The following HTR6 variants were observed in gnomAD, a reference collection of about 807,000 sequenced individuals.
HTR6 encodes the protein 5-hydroxytryptamine receptor 6.
A neutral mutation model predicts 17.4 loss-of-function variants in HTR6; 15 were observed. That is an observed-to-expected ratio of 0.86 (90% confidence interval 0.58 to 1.33). HTR6 has a LOEUF of 1.33. Ranked by LOEUF, HTR6 falls within the 40% of genes most tolerant of loss-of-function variation. The probability of loss-of-function intolerance (pLI) is 0.00; values close to 1 mark genes in which losing one functional copy is unlikely to be tolerated. For synonymous variants in HTR6, 326 were observed against 295.5 expected (o/e 1.10, Z -1.06); for missense variants, 578 against 616.0 (o/e 0.94, Z 0.65).
At chr1:19,674,752 TC>T (rs2095092254) in intron 1 of HTR6, among the ~76,000 whole-genome samples, 1 of 152,242 alleles carries the variant, frequency 6.6e-6, no homozygotes, top group African/African-American at 2.4e-5. Flanking sequence ...TCCAATTTTT[TC>T]CTATCACAAG....
intron 2 of HTR6, 38 bp downstream of exon 2, chr1:19,678,763 G>C (rs772884793): frequency 1.3e-6 from 2 of 1,587,034 alleles, no homozygotes. Context: ...TCCGGCCCTT[G>C]CAGGAGAGGC....
rs1385556034 is a variant in HTR6, at chr1:19,678,725, G to A, written c.873G>A (p.Gln291=). The A allele has an allele frequency of 1.9e-6, 3 of 1,606,296 alleles. No homozygotes were observed. The highest frequency in any genetic ancestry group is 1.7e-5 in the Admixed American group (1 of 59,820). The change falls in exon 2 of 3, where the codon CAG becomes CAA. Residue 291 remains glutamine (Q), a splice_region_variant and synonymous_variant. Coordinates refer to ENST00000289753, the MANE Select transcript of HTR6 (RefSeq NM_000871.3). The part of the protein sequence containing the change: ...WLPFFVANIV[Q]AVCDCISPGL... ...CCTTCTTTGTGGCCAACATAGTCCA[G>A]GTAATGCCACGGCAGGGGGCAGGTG...
rs1008922710 is a variant in HTR6 at position 19,664,900 on chromosome 1, C to T, written c.-854C>T. Among the ~76,000 whole-genome samples, 7 of 150,266 alleles carry T rather than the reference C, an allele frequency of 4.7e-5. No homozygotes were observed. The highest frequency in any genetic ancestry group is 4.1e-4 in the South Asian group (2 of 4,826). ...GCACCCGGCCTCTCCTCCGCGCGTG[C>T]GGGCCCCTCGCGGCGCCTCCCGGGC... On this transcript the variant is annotated 5_prime_UTR_variant, in exon 1 of 3. Coordinates refer to ENST00000289753, the MANE Select transcript of HTR6 (RefSeq NM_000871.3). The surrounding 1 kb of genome is among the most constrained non-coding windows in gnomAD (Gnocchi z 4.7).
rs1300976368 is a variant in HTR6, at chr1:19,665,768, G to A, written c.15G>A (p.Pro5=). The A allele has an allele frequency of 1.3e-6, 2 of 1,489,032 alleles. No individual in the cohort carries two copies. Among genetic ancestry groups the A allele is most frequent in the Non-Finnish European group, 8.9e-7 (1 of 1,125,590 alleles). The allele number at this position is 1,489,032 out of a possible 1,614,324, so 92.2% of individuals were successfully genotyped here. A position where few individuals can be genotyped will look rare whatever the true frequency, so the allele number is the denominator to read the frequency against. The change falls in exon 1 of 3, where the codon CCG becomes CCA. Residue 5 remains proline, a synonymous_variant. Coordinates refer to ENST00000289753, the MANE Select transcript of HTR6 (RefSeq NM_000871.3). The surrounding 1 kb of genome is among the most constrained non-coding windows in gnomAD (Gnocchi z 4.2). MVPE[P]GPTANSTPAW... is the part of the protein sequence containing the mutation. ...CCTCGGTCCTCATGGTCCCAGAGCCGGGCCCAACCGCCAATAGCACCCCGG... is the reference window on the plus strand; with the variant it reads ...CCTCGGTCCTCATGGTCCCAGAGCCAGGCCCAACCGCCAATAGCACCCCGG...
chr1:19,672,764 T>C (rs952449440), intron 1 of HTR6, among the ~76,000 whole-genome samples: 9 of 152,208 alleles, frequency 5.9e-5, no homozygotes, highest in African/African-American at 1.9e-4. Context: ...AGGCAGTGAC[T>C]CACAACTGTA....
intron 1 of HTR6, among the ~76,000 whole-genome samples, chr1:19,677,490 G>A (rs74405181): frequency 0.01 from 1,544 of 152,150 alleles, 22 homozygotes; most frequent in African/African-American, 0.033. Context: ...CTGCCAGTTC[G>A]CAGTATAATT....
intron 1 of HTR6, among the ~76,000 whole-genome samples, chr1:19,669,427 G>A (rs553126391): frequency 2.0e-5 from 3 of 152,304 alleles, no homozygotes; most frequent in East Asian, 1.9e-4. Flanking sequence ...GACAGGTGGG[G>A]AAACTGAGGC....
intron 1 of HTR6, among the ~76,000 whole-genome samples, chr1:19,667,426 T>G (rs916433925): frequency 2.0e-5 from 3 of 151,858 alleles, no homozygotes; most frequent in African/African-American, 7.3e-5. Flanking sequence ...TTTGTTTTTG[T>G]TTTTTTTGAG....
At chr1:19,675,617 C>T (rs992331377) in intron 1 of HTR6, among the ~76,000 whole-genome samples, 1 of 152,066 alleles carries the variant, frequency 6.6e-6, no homozygotes, top group Non-Finnish European at 1.5e-5. Flanking sequence ...CTGAGATATT[C>T]CCCCTAGTGC....
intron 1 of HTR6, among the ~76,000 whole-genome samples, chr1:19,676,737 C>G (rs1333948599): frequency 6.6e-6 from 1 of 152,186 alleles, no homozygotes; most frequent in Non-Finnish European, 1.5e-5. Flanking sequence ...TTTCCATCTG[C>G]GGAAGGTTGC....
rs764973069 is a variant in HTR6, at chr1:19,678,608, C to T, written c.756C>T (p.Ser252=). The change falls in exon 2 of 3, where the codon AGC becomes AGT. Residue 252 remains serine (S), a synonymous_variant. Transcript: ENST00000289753. ...GCCCAGGGGTGGAGTCTGCTGACAG[C>T]AGGCGTCTAGCCACGAAGCACAGCA... ...TPRPGVESAD[S]RRLATKHSRK... is the part of the protein sequence containing the mutation. The T allele has an allele frequency of 8.7e-6, 14 of 1,613,146 alleles. No individual in the cohort carries two copies. The highest frequency in any genetic ancestry group is 1.2e-5 in the Non-Finnish European group (14 of 1,179,982).
chr1:19,666,396 G>C lies in HTR6; in HGVS notation c.643G>C (p.Ala215Pro). The C allele has an allele frequency of 6.2e-7, 1 of 1,613,696 alleles. No individual in the cohort carries two copies. Among genetic ancestry groups the C allele is most frequent in the Non-Finnish European group, 8.5e-7 (1 of 1,179,984 alleles). Reference sequence around the variant, plus strand: ...CACCTACTGCAGGATCCTGCTAGCTGCCCGCAAGCAGGCCGTGCAGGTGGC... The same window carrying C: ...CACCTACTGCAGGATCCTGCTAGCTCCCCGCAAGCAGGCCGTGCAGGTGGC... ...CFTYCRILLA[A>P]RKQAVQVASL... The change falls in exon 1 of 3, where the codon GCC becomes CCC. Residue 215 changes from alanine to proline, a missense_variant. Physicochemically the swap from Ala to Pro is conservative, Grantham distance 27. Transcript: ENST00000289753. The surrounding 1 kb of genome is among the most constrained non-coding windows in gnomAD (Gnocchi z 4.5).
rs909005450 is a variant in HTR6 at position 19,680,198 on chromosome 1, C to T, written c.*830C>T. Reference sequence around the variant, plus strand: ...CAATGTGTGCCCAGCACCCAGTACACGGTCAGTTAATTGGTACGTTCTGTT... The same window carrying T: ...CAATGTGTGCCCAGCACCCAGTACATGGTCAGTTAATTGGTACGTTCTGTT... On this transcript the variant is annotated 3_prime_UTR_variant, in exon 3 of 3. Transcript: ENST00000289753. Among the ~76,000 whole-genome samples, 3 of 152,222 alleles carry T rather than the reference C, an allele frequency of 2.0e-5. No individual in the cohort carries two copies. The highest frequency in any genetic ancestry group is 2.4e-5 in the African/African-American group (1 of 41,444).
intron 1 of HTR6, among the ~76,000 whole-genome samples, chr1:19,672,730 G>A (rs1387143985): frequency 6.6e-6 from 1 of 152,206 alleles, no homozygotes; most frequent in Non-Finnish European, 1.5e-5. Flanking sequence ...CAGGCACATA[G>A]TAAGTGCTCA....
In HTR6 at chr1:19,665,797, G is replaced by T. The variant is rs2095080697; in HGVS notation, c.44G>T (p.Trp15Leu). 2 of 1,515,040 alleles carry T rather than the reference G, an allele frequency of 1.3e-6. No homozygotes were observed. The highest frequency in any genetic ancestry group is 1.8e-6 in the Non-Finnish European group (2 of 1,140,480). 93.8% of individuals were successfully genotyped at this position (1,515,040 alleles called of 1,614,324 possible). A position where few individuals can be genotyped will look rare whatever the true frequency, so the allele number is the denominator to read the frequency against. Reference protein sequence around the residue: ...PGPTANSTPAWGAGPPSAPGG... With the variant: ...PGPTANSTPALGAGPPSAPGG... ...CCAACCGCCAATAGCACCCCGGCCTGGGGGGCAGGGCCGCCGTCGGCCCCG... is the reference window on the plus strand; with the variant it reads ...CCAACCGCCAATAGCACCCCGGCCTTGGGGGCAGGGCCGCCGTCGGCCCCG... Residue 15 changes from tryptophan (W) to leucine (L), a missense_variant, in exon 1 of 3, where the codon TGG (tryptophan) becomes TTG (leucine). Trp to Leu is a moderately conservative substitution (Grantham distance 61). Coordinates refer to ENST00000289753, the MANE Select transcript of HTR6 (RefSeq NM_000871.3). The surrounding 1 kb of genome is among the most constrained non-coding windows in gnomAD (Gnocchi z 4.2).
In HTR6 at chr1:19,678,648, G is replaced by T; in HGVS notation, c.796G>T (p.Ala266Ser). Residue 266 changes from alanine to serine, a missense_variant, in exon 2 of 3, where the codon GCC becomes TCC. Physicochemically the swap from Ala to Ser is moderately conservative, Grantham distance 99 (BLOSUM62 1). Coordinates refer to ENST00000289753, the MANE Select transcript of HTR6 (RefSeq NM_000871.3). ...ATKHSRKALKASLTLGILLGM... is the reference protein window; with the variant it reads ...ATKHSRKALKSSLTLGILLGM... ...GAAGCACAGCAGGAAGGCCCTGAAG[G>T]CCAGCCTGACGCTGGGCATCCTGCT... 6.2e-7 allele frequency: 1 copy of T among 1,613,820 alleles called. No individual in the cohort carries two copies.
In HTR6 at chr1:19,679,222, C is replaced by T. The variant is rs755896702; in HGVS notation, c.1177C>T (p.Arg393Trp). ...AGGCTCAGGCGGCTCCTCGGGCCTG[C>T]GGCTCACGGCCCAGCTGCTGCTTCC... is the stretch of plus-strand genomic sequence containing the variant. ...DAGSGGSSGLRLTAQLLLPGE... is the reference protein window; with the variant it reads ...DAGSGGSSGLWLTAQLLLPGE... The change falls in exon 3 of 3, where the codon CGG becomes TGG. Residue 393 changes from arginine (R) to tryptophan (W), a missense_variant. By Grantham distance (101) the Arg-to-Trp change is moderately radical. Transcript: ENST00000289753. This position sits in a 1 kb window ranked among gnomAD's most constrained non-coding sequence, Gnocchi z 4.9. 19 of 1,569,026 alleles carry T rather than the reference C, an allele frequency of 1.2e-5. No homozygotes were observed. Among genetic ancestry groups the T allele is most frequent in the South Asian group, 9.2e-5 (8 of 86,818 alleles).
intron 1 of HTR6, among the ~76,000 whole-genome samples, chr1:19,675,901 G>A (rs919015547): frequency 6.6e-6 from 1 of 152,172 alleles, no homozygotes; most frequent in African/African-American, 2.4e-5. Context: ...AACTAGAAGA[G>A]GAGAGAGGAG....
At chr1:19,674,540 G>A (rs1276718069) in intron 1 of HTR6, among the ~76,000 whole-genome samples, 1 of 151,908 alleles carries the variant, frequency 6.6e-6, no homozygotes, top group African/African-American at 2.4e-5. Flanking sequence ...CTGAGTAGTG[G>A]GACTACAGGC....
Sources: gnomAD v4.1 joint callset for allele counts (sites outside exome capture counted in the v4.1 genomes callset) on GRCh38, gnomAD v4.1.1 for gene constraint, Gnocchi (gnomAD v3.1) non-coding constraint, MANE v1.5 for transcripts, NCBI Gene and HGNC (gene_info 2026-07-23, HGNC 2026-07-21) for gene names.